CTNNA3: variants seen among roughly 807,000 people sequenced by gnomAD.
The protein encoded by CTNNA3 is catenin alpha-3.
Under a neutral mutation model 95.7 loss-of-function variants are expected in CTNNA3, and 76 were observed. The ratio of observed to expected loss-of-function variants is 0.79; its 90% confidence interval spans 0.66 to 0.96. The LOEUF (loss-of-function observed/expected upper bound fraction) is 0.96, where lower values mean the gene tolerates loss of function less well. CTNNA3 is among the 40% of genes least tolerant of loss of function. CTNNA3 has a pLI of 0.00. For missense variants in CTNNA3, 1,191 were observed against 1,089.8 expected (o/e 1.09, Z -1.31); for synonymous variants, 431 against 374.4 (o/e 1.15, Z -1.74).
chr10:67,139,422 C>G (rs1860445197), intron 7 of CTNNA3, among the ~76,000 whole-genome samples: 1 of 151,502 alleles, frequency 6.6e-6, no homozygotes, highest in Admixed American at 6.6e-5. Flanking sequence ...GCTGGGACCA[C>G]AGGCACGAGC....
Position 67,003,119 on chromosome 10 carries a change from T to C in CTNNA3, c.1047+177198A>G, listed in dbSNP as rs533181732. Among the ~76,000 whole-genome samples, 13 of 152,320 alleles carry C rather than the reference T, an allele frequency of 8.5e-5. No homozygotes were observed. In the South Asian group the frequency reaches 1.5e-3, roughly 17 times the overall value. ...AACATAATTACAATGCCCCTTTCCA[T>C]TGAAATAATCTATGCATCCCGCCAC... is the stretch of plus-strand genomic sequence containing the variant. On this transcript the variant is annotated intron_variant, in intron 7 of 17. Transcript: ENST00000433211.
chr10:66,486,924 T>C (rs140266641), intron 11 of CTNNA3, among the ~76,000 whole-genome samples: 130 of 152,126 alleles, frequency 8.5e-4, no homozygotes, highest in African/African-American at 2.4e-3. Flanking sequence ...AAATACATTA[T>C]GCTAAGTGAC....
At chr10:67,022,980 C>T (rs1191240422) in intron 7 of CTNNA3, among the ~76,000 whole-genome samples, 1 of 151,846 alleles carries the variant, frequency 6.6e-6, no homozygotes, top group African/African-American at 2.4e-5. Flanking sequence ...ACAAAATTTT[C>T]TGAGTGAAAT....
chr10:66,909,382 T>C (rs1209290270), intron 7 of CTNNA3, among the ~76,000 whole-genome samples: 2 of 152,076 alleles, frequency 1.3e-5, no homozygotes, highest in South Asian at 2.1e-4. Context: ...TGGTGGCACA[T>C]GCCTGTAATC....
chr10:67,249,954 A>G (rs928963316), intron 5 of CTNNA3, among the ~76,000 whole-genome samples: 20 of 152,272 alleles, frequency 1.3e-4, no homozygotes, highest in South Asian at 8.3e-4. Flanking sequence ...GCTAGGTACC[A>G]ACATTGGATG....
At chr10:67,144,518 T>A (rs559075041) in intron 7 of CTNNA3, among the ~76,000 whole-genome samples, 1 of 152,342 alleles carries the variant, frequency 6.6e-6, no homozygotes, top group South Asian at 2.1e-4. Flanking sequence ...AATGATCTTA[T>A]CTACATCTTC....
At chr10:67,163,800 T>G (rs1861650096) in intron 7 of CTNNA3, among the ~76,000 whole-genome samples, 1 of 151,902 alleles carries the variant, frequency 6.6e-6, no homozygotes, top group Non-Finnish European at 1.5e-5. Flanking sequence ...TTGCAGGATA[T>G]AAGATAAACA....
chr10:66,754,652 G>T (rs1252015555), intron 9 of CTNNA3, among the ~76,000 whole-genome samples: 8 of 152,134 alleles, frequency 5.3e-5, no homozygotes, highest in South Asian at 2.1e-4. Context: ...TCATAAAAAT[G>T]GGCAAAGGAT....
intron 15 of CTNNA3, among the ~76,000 whole-genome samples, chr10:66,064,258 A>G (rs76156458): frequency 1.4e-3 from 207 of 152,272 alleles, no homozygotes; most frequent in African/African-American, 4.6e-3. Flanking sequence ...AACTGACGCC[A>G]TGATTCAATT....
chr10:65,949,181 G>C (rs1181153933), intron 17 of CTNNA3, among the ~76,000 whole-genome samples: 2 of 152,112 alleles, frequency 1.3e-5, no homozygotes, highest in African/African-American at 4.8e-5. Flanking sequence ...TGTTGTTTCA[G>C]AGCAGGCAAA....
intron 3 of CTNNA3, among the ~76,000 whole-genome samples, chr10:67,574,870 C>G (rs1195868591): frequency 6.6e-6 from 1 of 152,016 alleles, no homozygotes; most frequent in Non-Finnish European, 1.5e-5. Flanking sequence ...CATGAGCCAC[C>G]AAGCCTGACC....
chr10:67,428,070 G>C (rs1427175808), intron 5 of CTNNA3, among the ~76,000 whole-genome samples: 1 of 152,030 alleles, frequency 6.6e-6, no homozygotes, highest in Non-Finnish European at 1.5e-5. Context: ...GAGGAAAATA[G>C]GACCCAATTT....
chr10:67,217,854 C>T (rs1176481006), intron 6 of CTNNA3, among the ~76,000 whole-genome samples: 1 of 143,832 alleles, frequency 7.0e-6, no homozygotes, highest in African/African-American at 2.6e-5. Flanking sequence ...ATCCAAAATG[C>T]TCCAAAATCT....
intron 15 of CTNNA3, among the ~76,000 whole-genome samples, chr10:66,054,911 T>C (rs936188132): frequency 3.3e-5 from 5 of 152,142 alleles, no homozygotes; most frequent in African/African-American, 1.2e-4. Context: ...TAGTGAGAGA[T>C]AGAGGTCTAG....
chr10:67,098,092 A>G (rs564401099), intron 7 of CTNNA3: 107 of 370,548 alleles, frequency 2.9e-4, no homozygotes, highest in African/African-American at 2.1e-3. Context: ...AAAACTGTAC[A>G]AAGCTAATGT....
intron 15 of CTNNA3, among the ~76,000 whole-genome samples, chr10:66,038,368 C>T (rs2079610817): frequency 6.6e-6 from 1 of 152,132 alleles, no homozygotes; most frequent in South Asian, 2.1e-4. Flanking sequence ...GGATCAGCCT[C>T]TCTAACCTCT....
At chr10:67,035,800 A>C in intron 7 of CTNNA3, among the ~76,000 whole-genome samples, 1 of 152,258 alleles carries the variant, frequency 6.6e-6, no homozygotes, top group Middle Eastern at 3.4e-3. Flanking sequence ...TTTGCTTTAA[A>C]AAAAAATCCA....
intron 7 of CTNNA3, among the ~76,000 whole-genome samples, chr10:66,844,743 T>C (rs925250033): frequency 3.9e-5 from 6 of 152,188 alleles, no homozygotes; most frequent in African/African-American, 1.4e-4. Context: ...GAGTTGATGA[T>C]TTACAATGCA....
Position 66,578,713 on chromosome 10 carries a change from G to T in CTNNA3, c.1374+42979C>A, listed in dbSNP as rs150360243. Among the ~76,000 whole-genome samples, 300 of 151,142 alleles carry T rather than the reference G, an allele frequency of 2.0e-3. 4 individuals are homozygous for T. The highest frequency in any genetic ancestry group is 3.8e-4 in the Non-Finnish European group (26 of 67,770). ...ACTTTTTGATGTGCTGTTAGATTCA[G>T]TTTACTAGTACTTCATTGAGAAAAT... On this transcript the variant is annotated intron_variant, in intron 10 of 17. Transcript: ENST00000433211.
Sources: allele counts gnomAD v4.1 joint callset (sites outside exome capture counted in the v4.1 genomes callset), GRCh38; gene constraint gnomAD v4.1.1; transcripts MANE v1.5; gene names NCBI Gene and HGNC (gene_info 2026-07-23, HGNC 2026-07-21).